The following SMG6 variants were observed in gnomAD, a reference collection of about 807,000 sequenced individuals.
SMG6 encodes the protein SMG6 nonsense mediated mRNA decay factor.
SMG6 carries 66 observed loss-of-function variants against 142.2 expected under a neutral mutation model. That is an observed-to-expected ratio of 0.46 (90% CI 0.38 to 0.57). The LOEUF (loss-of-function observed/expected upper bound fraction) is 0.57, where lower values mean the gene tolerates loss of function less well. SMG6 is among the 20% of genes least tolerant of loss of function. The pLI is 0.00. For synonymous variants in SMG6, 779 were observed against 702.4 expected (o/e 1.11, Z -1.72); for missense variants, 1,793 against 1,832.0 (o/e 0.98, Z 0.39).
At chr17:2,079,738 T>C (rs1808991305) in intron 15 of SMG6, among the ~76,000 whole-genome samples, 1 of 152,086 alleles carries the variant, frequency 6.6e-6, no homozygotes, top group South Asian at 2.1e-4. Context: ...GGTAGAGGTA[T>C]TACACACTGA....
At chr17:2,262,910 G>A in intron 8 of SMG6, among the ~76,000 whole-genome samples, 1 of 152,132 alleles carries the variant, frequency 6.6e-6, no homozygotes, top group East Asian at 1.9e-4. Flanking sequence ...GCTGGCCTCA[G>A]AGGAGGTTTT....
chr17:2,236,371 G>A (rs1300358590), intron 10 of SMG6, 121 bp downstream of exon 10: 2 of 869,754 alleles, frequency 2.3e-6, no homozygotes, highest in Non-Finnish European at 3.6e-6. Context: ...GTAGGGTAGG[G>A]TGTGTGTGTT....
chr17:2,107,059 T>C (rs950349867), intron 13 of SMG6, among the ~76,000 whole-genome samples: 9 of 152,230 alleles, frequency 5.9e-5, no homozygotes, highest in South Asian at 2.1e-4. Flanking sequence ...GCCTGACATG[T>C]TGGTCATGCT....
At chr17:2,253,234 C>T (rs1187980715) in intron 8 of SMG6, among the ~76,000 whole-genome samples, 2 of 151,884 alleles carry the variant, frequency 1.3e-5, no homozygotes, top group Non-Finnish European at 2.9e-5. Flanking sequence ...CTCCGCTTCC[C>T]GGGTTCACGC....
At chr17:2,118,942 G>A (rs2069593479) in intron 13 of SMG6, among the ~76,000 whole-genome samples, 1 of 150,368 alleles carries the variant, frequency 6.7e-6, no homozygotes, top group Non-Finnish European at 1.5e-5. Flanking sequence ...TGTTGCCCAG[G>A]CTGGATGGAG....
intron 10 of SMG6, among the ~76,000 whole-genome samples, chr17:2,224,598 G>C (rs891969468): frequency 1.3e-5 from 2 of 152,092 alleles, no homozygotes; most frequent in Non-Finnish European, 2.9e-5. Flanking sequence ...AAAGGTTTAA[G>C]AGACATCAAA....
At chr17:2,230,044 G>C (rs1037498320) in intron 10 of SMG6, among the ~76,000 whole-genome samples, 1 of 150,704 alleles carries the variant, frequency 6.6e-6, no homozygotes, top group African/African-American at 2.4e-5. Flanking sequence ...AAATTAGCCG[G>C]GTGTGGTGGC....
chr17:2,219,291 A>G (rs2073106031), intron 10 of SMG6, among the ~76,000 whole-genome samples: 1 of 152,168 alleles, frequency 6.6e-6, no homozygotes, highest in South Asian at 2.1e-4. Context: ...AGGCTGAGGC[A>G]GGAGAATAGC....
intron 10 of SMG6, among the ~76,000 whole-genome samples, chr17:2,209,735 A>G (rs939163251): frequency 1.3e-5 from 2 of 152,090 alleles, no homozygotes; most frequent in Non-Finnish European, 2.9e-5. Context: ...TCCTGACCTT[A>G]ATGACCCACC....
chr17:2,229,900 G>A (rs1177827260), intron 10 of SMG6, among the ~76,000 whole-genome samples: 1 of 151,996 alleles, frequency 6.6e-6, no homozygotes, highest in Non-Finnish European at 1.5e-5. Flanking sequence ...AAGTCCTGCT[G>A]CCAGGCCAAG....
At chr17:2,112,230 C>T (rs62067979) in intron 13 of SMG6, among the ~76,000 whole-genome samples, 2,803 of 151,608 alleles carry the variant, frequency 0.018, 36 homozygotes, top group Middle Eastern at 0.027. Flanking sequence ...GTCGGCCGGG[C>T]GCGGTGGCTC....
chr17:2,280,391 T>C (rs2074758415), intron 8 of SMG6, among the ~76,000 whole-genome samples: 2 of 152,064 alleles, frequency 1.3e-5, no homozygotes. Flanking sequence ...GCCTCCCGAG[T>C]AGCTGGGATT....
chr17:2,253,135 A>ATTTATTTATTTAT (rs2074085448), intron 8 of SMG6, among the ~76,000 whole-genome samples: 1 of 148,668 alleles, frequency 6.7e-6, no homozygotes, highest in Non-Finnish European at 1.5e-5. Flanking sequence ...TTATTTATTT[A>ATTTATTTATTTAT]TTTATTTATT....
At chr17:2,175,899 C>T (rs1338072626) in intron 12 of SMG6, among the ~76,000 whole-genome samples, 1 of 152,080 alleles carries the variant, frequency 6.6e-6, no homozygotes, top group Non-Finnish European at 1.5e-5. Context: ...GTGGGATCAC[C>T]CAAACTCAGT....
intron 13 of SMG6, among the ~76,000 whole-genome samples, chr17:2,098,396 T>C (rs1011212211): frequency 5.3e-5 from 8 of 152,218 alleles, no homozygotes; most frequent in African/African-American, 1.7e-4. Context: ...TTTCACATCT[T>C]TTCCTTCACC....
chr17:2,246,172 A>T (rs1448394824), intron 8 of SMG6, among the ~76,000 whole-genome samples: 1 of 152,252 alleles, frequency 6.6e-6, no homozygotes, highest in Non-Finnish European at 1.5e-5. Flanking sequence ...TCAGCAAAAC[A>T]AGGGAGGGAA....
intron 10 of SMG6, chr17:2,232,621 TGA>T (rs1229098988): frequency 1.3e-5 from 2 of 152,210 alleles, no homozygotes; most frequent in African/African-American, 4.8e-5. Context: ...CCCAACTACC[TGA>T]GTGTGCAGTA....
At chr17:2,293,934 C>T (rs2075094091) in intron 4 of SMG6, among the ~76,000 whole-genome samples, 1 of 152,192 alleles carries the variant, frequency 6.6e-6, no homozygotes, top group African/African-American at 2.4e-5. Flanking sequence ...CACTGATTGG[C>T]TTGGCATCTG....
At chr17:2,277,056 C>A (rs1354974056) in intron 8 of SMG6, among the ~76,000 whole-genome samples, 1 of 152,172 alleles carries the variant, frequency 6.6e-6, no homozygotes, top group Non-Finnish European at 1.5e-5. Flanking sequence ...GTTGGGATTA[C>A]AGGCATGAGC....
Sources: allele counts gnomAD v4.1 joint callset (sites outside exome capture counted in the v4.1 genomes callset), GRCh38; gene constraint gnomAD v4.1.1; transcripts MANE v1.5; gene names NCBI Gene and HGNC (gene_info 2026-07-23, HGNC 2026-07-21).